Variants in COG5 observed in about 807,000 individuals in gnomAD.
COG5 encodes the protein component of oligomeric golgi complex 5.
Under a neutral mutation model 110.4 loss-of-function variants are expected in COG5, and 86 were observed. The observed-to-expected ratio is 0.78, with a 90% CI of 0.65 to 0.93. The LOEUF (loss-of-function observed/expected upper bound fraction) is 0.93. COG5 is among the 40% of genes least tolerant of loss of function. COG5 has a pLI of 0.00. For synonymous variants in COG5, 360 were observed against 334.6 expected, an observed-to-expected ratio of 1.08 and a Z score of -0.83; for missense variants, 1,077 against 987.0, an observed-to-expected ratio of 1.09 and a Z score of -1.22.
intron 17 of COG5, among the ~76,000 whole-genome samples, chr7:107,241,576 G>A (rs1426628848): frequency 2.7e-5 from 4 of 150,874 alleles, no homozygotes; most frequent in East Asian, 2.0e-4. Flanking sequence ...CTCAGCCTCC[G>A]GAGTAGCTGG....
intron 10 of COG5, among the ~76,000 whole-genome samples, chr7:107,345,707 A>G (rs866402580): frequency 9.9e-5 from 15 of 152,216 alleles, no homozygotes; most frequent in Non-Finnish European, 1.8e-4. Context: ...ACTTAAGTTG[A>G]TAAGTTTTAA....
chr7:107,391,945 G>T (rs901246315), intron 7 of COG5, among the ~76,000 whole-genome samples: 2 of 152,138 alleles, frequency 1.3e-5, no homozygotes, highest in Non-Finnish European at 2.9e-5. Context: ...ACAAAAATTA[G>T]CTGGGCATGG....
chr7:107,230,396 C>T (rs977311899), intron 19 of COG5, among the ~76,000 whole-genome samples: 1 of 152,050 alleles, frequency 6.6e-6, no homozygotes, highest in African/African-American at 2.4e-5. Flanking sequence ...ATCTTGTGAA[C>T]TGTGACTAAG....
intron 6 of COG5, among the ~76,000 whole-genome samples, chr7:107,464,289 G>A (rs1305134625): frequency 6.6e-6 from 1 of 152,122 alleles, no homozygotes; most frequent in African/African-American, 2.4e-5. Flanking sequence ...CCTTCATTCA[G>A]CAGCTACAGC....
In COG5 at chr7:107,561,635, C is replaced by G. The variant is rs762463009; in HGVS notation, c.94+2168G>C. 5.9e-5 allele frequency among the ~76,000 whole-genome samples: 9 copies of G among 152,128 alleles called. 1 individual carries two copies. Among genetic ancestry groups the G allele is most frequent in the Non-Finnish European group, 1.3e-4 (9 of 68,020 alleles). ...TGAGGGTGACTGAGTCCCCAGGAAA[C>G]AGGAAGAAAAAATCCAGAGCAAAGT... On this transcript the variant is annotated intron_variant, in intron 1 of 21. Transcript: ENST00000297135.
intron 6 of COG5, among the ~76,000 whole-genome samples, chr7:107,436,614 A>G (rs1423888614): frequency 6.6e-6 from 1 of 152,216 alleles, no homozygotes; most frequent in Non-Finnish European, 1.5e-5. Context: ...TTTGTTATGC[A>G]TATTTTATGA....
intron 1 of COG5, 90 bp from the exon 2 acceptor site, chr7:107,558,205 A>T: frequency 7.4e-7 from 1 of 1,346,812 alleles, no homozygotes; most frequent in South Asian, 1.2e-5. Flanking sequence ...CATAATTAAC[A>T]TATTTTGATC....
intron 17 of COG5, among the ~76,000 whole-genome samples, chr7:107,245,112 C>A (rs1007539671): frequency 3.3e-5 from 5 of 152,124 alleles, no homozygotes; most frequent in Admixed American, 2.6e-4. Flanking sequence ...AAGGCAAAAA[C>A]CACATGATTA....
intron 6 of COG5, among the ~76,000 whole-genome samples, chr7:107,511,307 A>C (rs559373629): frequency 2.6e-5 from 4 of 152,358 alleles, no homozygotes; most frequent in African/African-American, 9.6e-5. Context: ...GAAATGGATA[A>C]ATTCCTCGAC....
intron 12 of COG5, among the ~76,000 whole-genome samples, chr7:107,288,945 TA>T (rs1562952435): frequency 2.0e-5 from 2 of 97,634 alleles, no homozygotes; most frequent in East Asian, 6.3e-4. Context: ...TATATATATA[TA>T]TATATATATA....
At chr7:107,261,480 T>C (rs1043975003) in intron 14 of COG5, among the ~76,000 whole-genome samples, 2 of 152,160 alleles carry the variant, frequency 1.3e-5, no homozygotes, top group African/African-American at 2.4e-5. Context: ...CAGATTTACA[T>C]CGATGAAATA....
At chr7:107,524,418 T>G (rs1800583109) in intron 6 of COG5, among the ~76,000 whole-genome samples, 1 of 152,240 alleles carries the variant, frequency 6.6e-6, no homozygotes, top group Non-Finnish European at 1.5e-5. Flanking sequence ...GGGTCTATGG[T>G]ATAAACACTG....
chr7:107,325,520 G>A (rs1323677274), intron 10 of COG5, among the ~76,000 whole-genome samples: 2 of 151,950 alleles, frequency 1.3e-5, no homozygotes, highest in African/African-American at 2.4e-5. Context: ...GTGTGGTGGC[G>A]CATGCCTGTA....
chr7:107,401,507 G>A (rs1431329980), intron 7 of COG5, among the ~76,000 whole-genome samples: 2 of 152,052 alleles, frequency 1.3e-5, no homozygotes, highest in African/African-American at 4.8e-5. Flanking sequence ...ATAGTGATGG[G>A]AACAAACAGA....
At chr7:107,292,915 G>A (rs1158014835) in intron 12 of COG5, among the ~76,000 whole-genome samples, 1 of 152,152 alleles carries the variant, frequency 6.6e-6, no homozygotes, top group Non-Finnish European at 1.5e-5. Context: ...AGGTATATGA[G>A]CTCTGGAAAA....
At chr7:107,511,536 C>G (rs1368025676) in intron 6 of COG5, among the ~76,000 whole-genome samples, 1 of 152,324 alleles carries the variant, frequency 6.6e-6, no homozygotes, top group Admixed American at 6.5e-5. Flanking sequence ...TCCTCCCTAA[C>G]TCACTTTATG....
At chr7:107,393,035 T>A (rs1790738451) in intron 7 of COG5, among the ~76,000 whole-genome samples, 1 of 152,206 alleles carries the variant, frequency 6.6e-6, no homozygotes, top group South Asian at 2.1e-4. Flanking sequence ...GAACAGTTAA[T>A]CAACTTCTTG....
At chr7:107,388,256 CTT>C (rs1352985864) in intron 7 of COG5, among the ~76,000 whole-genome samples, 1 of 152,204 alleles carries the variant, frequency 6.6e-6, no homozygotes, top group Non-Finnish European at 1.5e-5. Flanking sequence ...ATTTGGAAAA[CTT>C]AGATATGTAC....
At chr7:107,409,226 C>A (rs1234731025) in intron 7 of COG5, among the ~76,000 whole-genome samples, 40 of 44,388 alleles carry the variant, frequency 9.0e-4, no homozygotes, top group Admixed American at 1.2e-3. Flanking sequence ...AAAGCAACGT[C>A]AAGGAAAAAA....
Sources: allele counts gnomAD v4.1 joint callset (sites outside exome capture counted in the v4.1 genomes callset), GRCh38; gene constraint gnomAD v4.1.1; transcripts MANE v1.5; gene names NCBI Gene and HGNC (gene_info 2026-07-23, HGNC 2026-07-21).